Variants in CUX2 observed in about 807,000 individuals in gnomAD.
CUX2 encodes the protein cut like homeobox 2, also known as homeobox protein cut-like 2.
In CUX2, 40 loss-of-function variants were observed where a neutral mutation model predicts 144.8. The ratio of observed to expected loss-of-function variants is 0.28; its 90% CI spans 0.21 to 0.36. The LOEUF (loss-of-function observed/expected upper bound fraction) is 0.36. Ranked by LOEUF, CUX2 falls within the 10% of genes least tolerant of loss-of-function variation. The pLI, the probability that CUX2 is intolerant of heterozygous loss-of-function variation, is 1.00. For missense variants in CUX2, 1,615 were observed against 1,994.0 expected, an observed-to-expected ratio of 0.81 and a Z score of 3.62; for synonymous variants, 827 against 875.6, an observed-to-expected ratio of 0.94 and a Z score of 0.98.
intron 1 of CUX2, among the ~76,000 whole-genome samples, chr12:111,174,531 G>A (rs185247204): frequency 2.0e-5 from 3 of 152,322 alleles, no homozygotes; most frequent in Admixed American, 6.5e-5. Flanking sequence ...ATACTAGCTG[G>A]CCAAAAGCAC....
At chr12:111,165,162 A>G (rs375141825) in intron 1 of CUX2, among the ~76,000 whole-genome samples, 40 of 152,268 alleles carry the variant, frequency 2.6e-4, no homozygotes, top group African/African-American at 8.4e-4. Context: ...ACTAGGGGCT[A>G]TTTATGCGGG....
chr12:111,201,978 C>T (rs1880622940), intron 1 of CUX2, among the ~76,000 whole-genome samples: 1 of 152,192 alleles, frequency 6.6e-6, no homozygotes, highest in South Asian at 2.1e-4. Context: ...ATTAGGAACA[C>T]AGACCTCCCA....
At position 111,186,547 on chromosome 12, in the gene CUX2, A is replaced by G. The variant is rs1047121290; in HGVS notation, c.64-27653A>G. Reference sequence around the variant, plus strand: ...ATTCTGGCCACACCCGGCCACCAGGACCCATGGTTGCTGAGAGAGAGAAGG... The same window carrying G: ...ATTCTGGCCACACCCGGCCACCAGGGCCCATGGTTGCTGAGAGAGAGAAGG... On this transcript the variant is annotated intron_variant, in intron 1 of 21. Coordinates refer to ENST00000261726, the MANE Select transcript of CUX2 (RefSeq NM_015267.4). The surrounding 1 kb of genome is among the most constrained non-coding windows in gnomAD (Gnocchi z 4.4). Among the ~76,000 whole-genome samples, 2 of 151,746 alleles carry G rather than the reference A, an allele frequency of 1.3e-5. No individual in the cohort carries two copies. The highest frequency in any genetic ancestry group is 4.8e-5 in the African/African-American group (2 of 41,278).
intron 1 of CUX2, among the ~76,000 whole-genome samples, chr12:111,136,942 C>CT (rs111985672): frequency 0.11 from 15,228 of 144,214 alleles, 1,359 homozygotes; most frequent in African/African-American, 0.25. Context: ...TTTTTTATGG[C>CT]TTTTTTTTTT....
chr12:111,309,535 T>C (rs1886765231), intron 14 of CUX2, among the ~76,000 whole-genome samples: 1 of 152,016 alleles, frequency 6.6e-6, no homozygotes, highest in Non-Finnish European at 1.5e-5. Flanking sequence ...AGAGCCAAGG[T>C]CGGCGCTTCC....
At chr12:111,134,911 G>A (rs1484936469) in intron 1 of CUX2, among the ~76,000 whole-genome samples, 1 of 152,174 alleles carries the variant, frequency 6.6e-6, no homozygotes, top group Non-Finnish European at 1.5e-5. Context: ...TAAACACACG[G>A]TACATGTGGG....
intron 1 of CUX2, among the ~76,000 whole-genome samples, chr12:111,078,604 A>C (rs1258151799): frequency 6.6e-6 from 1 of 152,150 alleles, no homozygotes; most frequent in Non-Finnish European, 1.5e-5. Context: ...TGGGAATTTG[A>C]GGCTGCAGCG....
At position 111,304,362 on chromosome 12, in the gene CUX2, C is replaced by A. The variant is rs752036880; in HGVS notation, c.858+48C>A. ...GAGCAGGGAGGGCAGAGGGAAAGAT[C>A]GGGAATGGCTGAGTTTGCAGGTTTC... is the stretch of plus-strand genomic sequence containing the variant. On this transcript the variant is annotated intron_variant, in intron 10 of 21. Coordinates refer to ENST00000261726, the MANE Select transcript of CUX2 (RefSeq NM_015267.4). This position sits in a 1 kb window ranked among gnomAD's most constrained non-coding sequence, Gnocchi z 4.7. The A allele has an allele frequency of 2.7e-6, 4 of 1,491,030 alleles. No individual in the cohort carries two copies. Among genetic ancestry groups the A allele is most frequent in the African/African-American group, 1.4e-5 (1 of 72,802 alleles). The allele number at this position is 1,491,030 out of a possible 1,614,324, so 92.4% of individuals were successfully genotyped here. A position where few individuals can be genotyped will look rare whatever the true frequency, so the allele number is the denominator to read the frequency against.
At chr12:111,232,042 C>T (rs1178116313) in intron 3 of CUX2, among the ~76,000 whole-genome samples, 1 of 151,858 alleles carries the variant, frequency 6.6e-6, no homozygotes, top group Non-Finnish European at 1.5e-5. Context: ...TGTAAAAGAA[C>T]ACAATATTCT....
intron 1 of CUX2, among the ~76,000 whole-genome samples, chr12:111,169,252 C>T (rs113041934): frequency 0.014 from 2,069 of 152,164 alleles, 48 homozygotes; most frequent in African/African-American, 0.047. Flanking sequence ...AGGATGGCCG[C>T]GACCACCAGC....
intron 1 of CUX2, among the ~76,000 whole-genome samples, chr12:111,157,549 C>T (rs1877473620): frequency 6.6e-6 from 1 of 151,968 alleles, no homozygotes; most frequent in Non-Finnish European, 1.5e-5. Flanking sequence ...TGCCAAAAGG[C>T]CAGGTTCAAG....
rs775924379 is a variant in CUX2 at position 111,312,133 on chromosome 12, C to T, written c.1934C>T (p.Thr645Ile). Reference sequence around the variant, plus strand: ...ACCCCGAGAATCCGCACGCCTGAGACAGGCTCAGACGACGCCATCAAGAGC... The same window carrying T: ...ACCCCGAGAATCCGCACGCCTGAGATAGGCTCAGACGACGCCATCAAGAGC... ...SITPRIRTPE[T>I]GSDDAIKSIL... is the part of the protein sequence containing the mutation. Residue 645 changes from threonine to isoleucine, a missense_variant, in exon 16 of 22, where the codon ACA becomes ATA. Transcript: ENST00000261726. The surrounding 1 kb of genome is among the most constrained non-coding windows in gnomAD (Gnocchi z 4.3). 3 of 1,612,200 alleles carry T rather than the reference C, an allele frequency of 1.9e-6. No homozygotes were observed. Among genetic ancestry groups the T allele is most frequent in the Non-Finnish European group, 2.5e-6 (3 of 1,178,686 alleles).
At chr12:111,258,529 A>AG (rs1883950497) in intron 3 of CUX2, among the ~76,000 whole-genome samples, 1 of 151,938 alleles carries the variant, frequency 6.6e-6, no homozygotes, top group South Asian at 2.1e-4. Flanking sequence ...AAAAAAAAAA[A>AG]AAGAGGAATT....
Position 111,304,192 on chromosome 12 carries a change from C to T in CUX2, c.754-18C>T, listed in dbSNP as rs1203830274. 1 of 1,602,416 alleles carries T rather than the reference C, an allele frequency of 6.2e-7. No homozygotes were observed. The highest frequency in any genetic ancestry group is 8.5e-7 in the Non-Finnish European group (1 of 1,172,514). ...AGAGTGGGCTCACCTCTCGCCCACA[C>T]TGTCCCCTTCTCCCCAGCGAGCTGA... On this transcript the variant is annotated intron_variant, in intron 9 of 21. Coordinates refer to ENST00000261726, the MANE Select transcript of CUX2 (RefSeq NM_015267.4). The surrounding 1 kb of genome is among the most constrained non-coding windows in gnomAD (Gnocchi z 4.7).
intron 4 of CUX2, among the ~76,000 whole-genome samples, chr12:111,272,605 C>G (rs1884686995): frequency 6.6e-6 from 1 of 152,194 alleles, no homozygotes; most frequent in South Asian, 2.1e-4. Flanking sequence ...GCTGGGATTA[C>G]AGGCACATGC....
At chr12:111,064,200 A>C (rs1236496181) in intron 1 of CUX2, among the ~76,000 whole-genome samples, 1 of 152,164 alleles carries the variant, frequency 6.6e-6, no homozygotes, top group East Asian at 1.9e-4. Flanking sequence ...AGAATCAGAG[A>C]GCTGGTTACC....
At chr12:111,294,600 AAAAG>A (rs1466333923) in intron 6 of CUX2, among the ~76,000 whole-genome samples, 3 of 145,180 alleles carry the variant, frequency 2.1e-5, no homozygotes, top group South Asian at 2.3e-4. Context: ...AAAAAAAAAA[AAAAG>A]AAAGAAAACA....
intron 16 of CUX2, among the ~76,000 whole-genome samples, chr12:111,316,441 C>A (rs1565913938): frequency 7.0e-6 from 1 of 143,462 alleles, no homozygotes; most frequent in Non-Finnish European, 1.5e-5. Context: ...CCACCGCGCC[C>A]GGCACTTCTT....
intron 1 of CUX2, among the ~76,000 whole-genome samples, chr12:111,197,518 GC>G (rs1474936248): frequency 1.3e-5 from 2 of 152,232 alleles, no homozygotes; most frequent in Non-Finnish European, 2.9e-5. Context: ...ATGCGTACAT[GC>G]TACTGGCTTG....
Sources: gnomAD v4.1 joint callset for allele counts (sites outside exome capture counted in the v4.1 genomes callset) on GRCh38, gnomAD v4.1.1 for gene constraint, Gnocchi (gnomAD v3.1) non-coding constraint, MANE v1.5 for transcripts, NCBI Gene and HGNC (gene_info 2026-07-23, HGNC 2026-07-21) for gene names.